The following ERC1 variants were observed in gnomAD, a reference collection of about 807,000 sequenced individuals.
The protein encoded by ERC1 is ELKS/RAB6-interacting/CAST family member 1.
In ERC1, 56 loss-of-function variants were observed where a neutral mutation model predicts 132.0. That is an observed-to-expected ratio of 0.42 (90% CI 0.34 to 0.53). ERC1 has a LOEUF of 0.53. ERC1 is among the 20% of genes least tolerant of loss of function. ERC1 has a pLI of 0.03. For synonymous variants in ERC1, 478 were observed against 476.1 expected, an observed-to-expected ratio of 1.00 and a Z score of -0.05; for missense variants, 1,202 against 1,349.9, an observed-to-expected ratio of 0.89 and a Z score of 1.72.
chr12:1,482,869 G>A (rs538501782), intron 18 of ERC1, among the ~76,000 whole-genome samples: 10 of 152,188 alleles, frequency 6.6e-5, no homozygotes, highest in African/African-American at 2.4e-4. Context: ...GTCAATTTTT[G>A]AACATTTTTG....
intron 14 of ERC1, among the ~76,000 whole-genome samples, chr12:1,269,735 G>C (rs1174162216): frequency 6.6e-6 from 1 of 152,156 alleles, no homozygotes; most frequent in African/African-American, 2.4e-5. Context: ...AAGGCACATG[G>C]GCACAGGCTC....
intron 2 of ERC1, among the ~76,000 whole-genome samples, chr12:1,081,733 A>G (rs1256841034): frequency 2.6e-5 from 4 of 152,314 alleles, no homozygotes; most frequent in South Asian, 2.1e-4. Flanking sequence ...CAACAGGAAT[A>G]TAAACTTTTG....
intron 16 of ERC1, among the ~76,000 whole-genome samples, chr12:1,396,227 A>G (rs2090530441): frequency 6.6e-6 from 1 of 152,236 alleles, no homozygotes; most frequent in African/African-American, 2.4e-5. Flanking sequence ...TGGTAACTAT[A>G]TATCTATTTT....
chr12:1,285,957 A>T (rs1358131075), intron 14 of ERC1, among the ~76,000 whole-genome samples: 1 of 152,216 alleles, frequency 6.6e-6, no homozygotes, highest in Non-Finnish European at 1.5e-5. Context: ...AGCAAGTTTT[A>T]TTCCAAGAGT....
chr12:1,094,484 C>T (rs1943752283), intron 3 of ERC1, among the ~76,000 whole-genome samples: 1 of 149,392 alleles, frequency 6.7e-6, no homozygotes, highest in African/African-American at 2.4e-5. Context: ...GATCTCAGCT[C>T]ACCTCAACCT....
At chr12:1,038,351 T>C (rs1969505131) in intron 2 of ERC1, among the ~76,000 whole-genome samples, 1 of 151,704 alleles carries the variant, frequency 6.6e-6, no homozygotes, top group African/African-American at 2.4e-5. Context: ...AATTCACCCT[T>C]TAAAGTATAG....
intron 17 of ERC1, among the ~76,000 whole-genome samples, chr12:1,436,438 T>C (rs772891669): frequency 6.6e-6 from 1 of 152,208 alleles, no homozygotes; most frequent in Non-Finnish European, 1.5e-5. Flanking sequence ...GTTGAGATGC[T>C]ATCAAGGTCA....
At chr12:1,213,760 C>T (rs1439225840) in intron 12 of ERC1, among the ~76,000 whole-genome samples, 1 of 149,196 alleles carries the variant, frequency 6.7e-6, no homozygotes, top group East Asian at 2.0e-4. Flanking sequence ...AAAAAATTGC[C>T]ACGCATGGTG....
intron 16 of ERC1, chr12:1,390,610 GC>G (rs1196652077): frequency 6.6e-6 from 1 of 152,188 alleles, no homozygotes. Flanking sequence ...TGCTTAGGAT[GC>G]CCAAAGGTAC....
chr12:1,305,450 C>T (rs1002912399), intron 15 of ERC1, among the ~76,000 whole-genome samples: 1 of 152,108 alleles, frequency 6.6e-6, no homozygotes, highest in Non-Finnish European at 1.5e-5. Flanking sequence ...CTCCTGAGCC[C>T]CAGTCCTGGG....
intron 11 of ERC1, among the ~76,000 whole-genome samples, chr12:1,187,323 C>T (rs940258078): frequency 6.6e-6 from 1 of 151,662 alleles, no homozygotes; most frequent in African/African-American, 2.4e-5. Flanking sequence ...AATTTGTTGT[C>T]ATAAGGGAAG....
intron 11 of ERC1, among the ~76,000 whole-genome samples, chr12:1,188,825 T>G (rs941594772): frequency 2.0e-5 from 3 of 152,212 alleles, no homozygotes; most frequent in East Asian, 3.8e-4. Flanking sequence ...TTTAAGGGAC[T>G]AAATATATTC....
At chr12:1,155,762 C>T (rs1050802986) in intron 8 of ERC1, among the ~76,000 whole-genome samples, 7 of 151,994 alleles carry the variant, frequency 4.6e-5, no homozygotes, top group South Asian at 2.1e-4. Context: ...TGAGCCACCG[C>T]GCCCTGCTGA....
At chr12:1,018,389 A>G (rs1336711877) in intron 1 of ERC1, among the ~76,000 whole-genome samples, 1 of 151,972 alleles carries the variant, frequency 6.6e-6, no homozygotes, top group African/African-American at 2.4e-5. Context: ...TAATTTTTGT[A>G]TTTTTAGTAG....
intron 18 of ERC1, among the ~76,000 whole-genome samples, chr12:1,464,512 T>C (rs1321991073): frequency 8.6e-5 from 1 of 11,674 alleles, no homozygotes; most frequent in Non-Finnish European, 1.7e-4. Context: ...TGCAAAAGCC[T>C]TTTTTTTTTT....
At chr12:1,084,296 T>G (rs577962138) in intron 3 of ERC1, among the ~76,000 whole-genome samples, 12 of 152,250 alleles carry the variant, frequency 7.9e-5, no homozygotes, top group African/African-American at 2.9e-4. Context: ...TTCAGGTAAT[T>G]TTCACTTTTG....
At chr12:1,192,417 T>C (rs1490271545) in intron 12 of ERC1, among the ~76,000 whole-genome samples, 1 of 152,244 alleles carries the variant, frequency 6.6e-6, no homozygotes, top group Non-Finnish European at 1.5e-5. Context: ...CTGCTGTGTT[T>C]CTTACTAATC....
intron 1 of ERC1, among the ~76,000 whole-genome samples, chr12:1,010,456 G>C (rs1490855506): frequency 6.7e-6 from 1 of 149,310 alleles, no homozygotes; most frequent in East Asian, 2.0e-4. Flanking sequence ...TTCCAGCCTG[G>C]GTGACAGAGG....
rs531249666 is a variant in ERC1, at chr12:995,955, G to C, written c.-157+4633G>C. ...ACGGTCAGCGGTGTCATTGTTTAAAGTTGTGTCAGAATGTTGAGTAAGAGA... is the reference window on the plus strand; with the variant it reads ...ACGGTCAGCGGTGTCATTGTTTAAACTTGTGTCAGAATGTTGAGTAAGAGA... On this transcript the variant is annotated intron_variant, in intron 1 of 18. Coordinates refer to ENST00000360905, the MANE Select transcript of ERC1 (RefSeq NM_178040.4). Among the ~76,000 whole-genome samples the C allele has an allele frequency of 2.0e-5, 3 of 152,308 alleles. No homozygotes were observed. In the South Asian group the frequency reaches 6.2e-4, roughly 32 times the overall value.
Sources: allele counts gnomAD v4.1 joint callset (sites outside exome capture counted in the v4.1 genomes callset), GRCh38; gene constraint gnomAD v4.1.1; transcripts MANE v1.5; gene names NCBI Gene and HGNC (gene_info 2026-07-23, HGNC 2026-07-21).